ARHGAP42: variants seen among roughly 807,000 people sequenced by gnomAD.
ARHGAP42 encodes rho GTPase-activating protein 42.
ARHGAP42 carries 63 observed loss-of-function variants against 125.0 expected under a neutral mutation model. That is an observed-to-expected ratio of 0.50 (90% CI 0.41 to 0.62). ARHGAP42 has a LOEUF of 0.62. Ranked by LOEUF, ARHGAP42 falls within the 20% of genes least tolerant of loss-of-function variation. The probability of loss-of-function intolerance (pLI) is 0.00; values close to 1 mark genes in which losing one functional copy is unlikely to be tolerated. For synonymous variants in ARHGAP42, 339 were observed against 351.0 expected, an observed-to-expected ratio of 0.97 and a Z score of 0.38; for missense variants, 766 against 1,024.2, an observed-to-expected ratio of 0.75 and a Z score of 3.44.
chr11:100,881,202 A>C (rs1865952770), intron 4 of ARHGAP42, among the ~76,000 whole-genome samples: 1 of 152,154 alleles, frequency 6.6e-6, no homozygotes, highest in South Asian at 2.1e-4. Flanking sequence ...TATCTTCTAG[A>C]ATTTTTATAG....
At chr11:100,812,718 G>A (rs189322219) in intron 3 of ARHGAP42, among the ~76,000 whole-genome samples, 4 of 152,288 alleles carry the variant, frequency 2.6e-5, no homozygotes, top group East Asian at 1.9e-4. Flanking sequence ...GAAAGTGCTC[G>A]GACTGTTTGA....
At chr11:100,822,842 A>T (rs1270066064) in intron 3 of ARHGAP42, among the ~76,000 whole-genome samples, 2 of 152,292 alleles carry the variant, frequency 1.3e-5, no homozygotes, top group Middle Eastern at 3.4e-3. Flanking sequence ...GGCAACAGGA[A>T]CTAACCCCCA....
At chr11:100,823,889 C>CA (rs1864454806) in intron 3 of ARHGAP42, among the ~76,000 whole-genome samples, 1 of 152,068 alleles carries the variant, frequency 6.6e-6, no homozygotes, top group South Asian at 2.1e-4. Context: ...TTTTTACCCC[C>CA]AAAACCACAC....
chr11:100,862,613 T>C (rs1489386495), intron 4 of ARHGAP42, among the ~76,000 whole-genome samples: 1 of 152,224 alleles, frequency 6.6e-6, no homozygotes, highest in Non-Finnish European at 1.5e-5. Flanking sequence ...AGCATTAATA[T>C]TATTGCATTT....
intron 4 of ARHGAP42, among the ~76,000 whole-genome samples, chr11:100,902,482 T>C (rs965118283): frequency 1.3e-5 from 2 of 152,240 alleles, no homozygotes; most frequent in Non-Finnish European, 2.9e-5. Flanking sequence ...GAAAATGTTT[T>C]GTTTTTCTTA....
At chr11:100,922,174 T>C (rs1390605568) in intron 6 of ARHGAP42, among the ~76,000 whole-genome samples, 1 of 152,188 alleles carries the variant, frequency 6.6e-6, no homozygotes, top group East Asian at 1.9e-4. Flanking sequence ...ATTTAGCAAA[T>C]GTTTAGACGG....
chr11:100,978,815 G>A (rs943659127), intron 21 of ARHGAP42, among the ~76,000 whole-genome samples, 172 bp from the exon 22 acceptor site: 1 of 152,124 alleles, frequency 6.6e-6, no homozygotes, highest in Non-Finnish European at 1.5e-5. Context: ...CTGGAGGTTA[G>A]ATCTAAAAAT....
intron 4 of ARHGAP42, among the ~76,000 whole-genome samples, chr11:100,894,103 C>T (rs972748405): frequency 6.6e-6 from 1 of 151,996 alleles, no homozygotes; most frequent in African/African-American, 2.4e-5. Context: ...GGTTGTATTC[C>T]AGTGAAAATA....
chr11:100,834,008 A>C (rs1864723122), intron 3 of ARHGAP42, among the ~76,000 whole-genome samples: 1 of 152,186 alleles, frequency 6.6e-6, no homozygotes, highest in African/African-American at 2.4e-5. Flanking sequence ...GGAAAATAAA[A>C]TGTCATCCAA....
At chr11:100,835,709 T>G in intron 3 of ARHGAP42, among the ~76,000 whole-genome samples, 1 of 152,116 alleles carries the variant, frequency 6.6e-6, no homozygotes, top group Non-Finnish European at 1.5e-5. Flanking sequence ...CATACACTTT[T>G]TTTCATCCTA....
intron 6 of ARHGAP42, among the ~76,000 whole-genome samples, chr11:100,932,201 C>CT (rs1867598777): frequency 6.6e-6 from 1 of 152,148 alleles, no homozygotes; most frequent in African/African-American, 2.4e-5. Flanking sequence ...TCCCTACCTA[C>CT]CCAGACAGAG....
chr11:100,785,622 G>A lies in ARHGAP42; in HGVS notation c.251-9483G>A, dbSNP rs73575566. ...GGGTGCAGAAGAGCATGAATGGGATGCTTCAGCCTGTGGAATGTGAAGGAG... is the reference window on the plus strand; with the variant it reads ...GGGTGCAGAAGAGCATGAATGGGATACTTCAGCCTGTGGAATGTGAAGGAG... On this transcript the variant is annotated intron_variant, in intron 2 of 23. Coordinates refer to ENST00000298815, the MANE Select transcript of ARHGAP42 (RefSeq NM_152432.4). 9.6e-3 allele frequency among the ~76,000 whole-genome samples: 1,460 copies of A among 152,256 alleles called. 16 individuals carry two copies. The highest frequency in any genetic ancestry group is 0.032 in the African/African-American group (1,350 of 41,542).
In ARHGAP42 at chr11:100,733,743, T is replaced by G. The variant is rs749352255; in HGVS notation, c.155-36600T>G. ...GGGAGGCTGAGGCATGAGAATTTCC[T>G]AAACCCAGGAAGCAGAGGTTGCAGT... On this transcript the variant is annotated intron_variant, in intron 1 of 23. Coordinates refer to ENST00000298815, the MANE Select transcript of ARHGAP42 (RefSeq NM_152432.4). 2.4e-5 allele frequency among the ~76,000 whole-genome samples: 3 copies of G among 127,542 alleles called. No homozygotes were observed. In the East Asian group the frequency reaches 8.0e-4, roughly 34 times the overall value. The allele number at this position is 127,542 out of a possible 152,430, so 83.7% of individuals were successfully genotyped here.
intron 1 of ARHGAP42, among the ~76,000 whole-genome samples, chr11:100,753,928 C>A (rs1283613299): frequency 6.6e-6 from 1 of 152,212 alleles, no homozygotes; most frequent in Non-Finnish European, 1.5e-5. Context: ...TGGTTTCTTC[C>A]CATTTTCCTG....
chr11:100,853,052 T>A (rs1189441519), intron 3 of ARHGAP42, among the ~76,000 whole-genome samples: 1 of 152,212 alleles, frequency 6.6e-6, no homozygotes, highest in Non-Finnish European at 1.5e-5. Flanking sequence ...ATATCTTCCC[T>A]GTGTGACCTT....
intron 8 of ARHGAP42, among the ~76,000 whole-genome samples, chr11:100,938,003 G>A (rs1210970306): frequency 6.6e-6 from 1 of 150,984 alleles, no homozygotes; most frequent in East Asian, 1.9e-4. Flanking sequence ...AACTTCTCTG[G>A]GTCATTCTAG....
chr11:100,735,194 C>T (rs1862040870), intron 1 of ARHGAP42, among the ~76,000 whole-genome samples: 1 of 152,124 alleles, frequency 6.6e-6, no homozygotes, highest in Admixed American at 6.5e-5. Context: ...TGATTTTTTC[C>T]AGTTTTCTCT....
intron 1 of ARHGAP42, among the ~76,000 whole-genome samples, chr11:100,725,574 T>C (rs2120286491): frequency 6.6e-6 from 1 of 151,998 alleles, no homozygotes; most frequent in East Asian, 1.9e-4. Flanking sequence ...AGGAGGATCA[T>C]TTGAGGCCAA....
chr11:100,973,132 G>T, intron 17 of ARHGAP42, 43 bp from the exon 18 acceptor site: 1 of 1,449,662 alleles, frequency 6.9e-7, no homozygotes, highest in Non-Finnish European at 9.2e-7. Flanking sequence ...TCATAATTTT[G>T]AAACATATAA....
Sources: allele counts gnomAD v4.1 joint callset (sites outside exome capture counted in the v4.1 genomes callset), GRCh38; gene constraint gnomAD v4.1.1; transcripts MANE v1.5; gene names NCBI Gene and HGNC (gene_info 2026-07-23, HGNC 2026-07-21).